The following MAGI2 variants were observed in gnomAD, a reference collection of about 807,000 sequenced individuals.
MAGI2 encodes the protein membrane-associated guanylate kinase, WW and PDZ domain-containing protein 2.
A neutral mutation model predicts 133.3 loss-of-function variants in MAGI2; 35 were observed. The ratio of observed to expected loss-of-function variants is 0.26; its 90% CI spans 0.20 to 0.35. MAGI2 has a LOEUF of 0.35. MAGI2 is among the 10% of genes least tolerant of loss of function. MAGI2 has a pLI of 1.00. For missense variants in MAGI2, 1,636 were observed against 1,863.4 expected, an observed-to-expected ratio of 0.88 and a Z score of 2.25; for synonymous variants, 729 against 710.6, an observed-to-expected ratio of 1.03 and a Z score of -0.41.
chr7:79,043,643 G>T (rs868288502), intron 1 of MAGI2, among the ~76,000 whole-genome samples: 23 of 150,388 alleles, frequency 1.5e-4, no homozygotes, highest in African/African-American at 5.1e-4. Flanking sequence ...TCGATAAACT[G>T]CTAGGTAGAC....
At chr7:78,193,983 A>T (rs1828479053) in intron 12 of MAGI2, among the ~76,000 whole-genome samples, 1 of 152,222 alleles carries the variant, frequency 6.6e-6, no homozygotes, top group African/African-American at 2.4e-5. Context: ...CTGAGATCAC[A>T]CACAATTTAA....
At chr7:78,191,963 T>G (rs1206205697) in intron 12 of MAGI2, among the ~76,000 whole-genome samples, 1 of 152,174 alleles carries the variant, frequency 6.6e-6, no homozygotes, top group African/African-American at 2.4e-5. Context: ...ACTGGTGACT[T>G]GAATCCAAAT....
At chr7:78,455,900 T>C (rs919822443) in intron 6 of MAGI2, among the ~76,000 whole-genome samples, 1 of 152,094 alleles carries the variant, frequency 6.6e-6, no homozygotes, top group Non-Finnish European at 1.5e-5. Flanking sequence ...GAATCAGTAA[T>C]ACCCTAATGT....
At chr7:78,382,081 T>C (rs972824589) in intron 6 of MAGI2, among the ~76,000 whole-genome samples, 1 of 152,176 alleles carries the variant, frequency 6.6e-6, no homozygotes, top group Non-Finnish European at 1.5e-5. Flanking sequence ...GTACATGATA[T>C]GTGCAGACAG....
chr7:79,206,125 T>C (rs1279155675), intron 1 of MAGI2, among the ~76,000 whole-genome samples: 2 of 148,850 alleles, frequency 1.3e-5, no homozygotes, highest in African/African-American at 5.0e-5. Context: ...CTCAAAACAA[T>C]AAGAAAGATC....
chr7:78,431,705 C>A (rs1441653547), intron 6 of MAGI2, among the ~76,000 whole-genome samples: 1 of 151,964 alleles, frequency 6.6e-6, no homozygotes, highest in Non-Finnish European at 1.5e-5. Context: ...TTGTTGTGAC[C>A]TGAAACATTA....
At chr7:78,347,270 A>G (rs1791019238) in intron 7 of MAGI2, 2 of 152,354 alleles carry the variant, frequency 1.3e-5, no homozygotes, top group Non-Finnish European at 1.5e-5. Flanking sequence ...CAACATCTCA[A>G]CAACCAATTT....
intron 9 of MAGI2, among the ~76,000 whole-genome samples, chr7:78,322,810 A>T (rs1024330750): frequency 6.6e-6 from 1 of 152,118 alleles, no homozygotes; most frequent in Non-Finnish European, 1.5e-5. Flanking sequence ...GTGTTGTTAA[A>T]GTTGTATATG....
chr7:78,224,745 G>A (rs903640882), intron 10 of MAGI2, among the ~76,000 whole-genome samples: 2 of 148,856 alleles, frequency 1.3e-5, no homozygotes, highest in African/African-American at 2.5e-5. Context: ...TTTGGAGGAA[G>A]TGTATCAGGT....
chr7:79,324,788 C>T (rs896905350), intron 1 of MAGI2, among the ~76,000 whole-genome samples: 8 of 144,006 alleles, frequency 5.6e-5, no homozygotes, highest in African/African-American at 2.1e-4. Flanking sequence ...AGCAGTGATC[C>T]TCATTTTTAA....
rs955763745 is a variant in MAGI2, at chr7:78,713,806, G to T, written c.419-86567C>A. On this transcript the variant is annotated intron_variant, in intron 2 of 21. Coordinates refer to ENST00000354212, the MANE Select transcript of MAGI2 (RefSeq NM_012301.4). Reference sequence around the variant, plus strand: ...CATGGAAAAATGCATGGAGAACCATGCATACAGAACGTTTTACCTCACGTA... The same window carrying T: ...CATGGAAAAATGCATGGAGAACCATTCATACAGAACGTTTTACCTCACGTA... Among the ~76,000 whole-genome samples the T allele has an allele frequency of 2.6e-5, 4 of 152,190 alleles. No individual in the cohort carries two copies. The South Asian group carries it at 8.3e-4, about 32-fold the overall frequency.
intron 21 of MAGI2, among the ~76,000 whole-genome samples, chr7:78,023,037 A>G (rs1208803275): frequency 6.6e-6 from 1 of 152,176 alleles, no homozygotes; most frequent in African/African-American, 2.4e-5. Flanking sequence ...GAATATTTTC[A>G]TTTTTCTGCA....
intron 1 of MAGI2, among the ~76,000 whole-genome samples, chr7:79,142,465 G>A (rs537015213): frequency 1.3e-5 from 2 of 152,222 alleles, no homozygotes; most frequent in South Asian, 2.1e-4. Flanking sequence ...ACAACCTTAT[G>A]GCTGCATGCC....
intron 21 of MAGI2, among the ~76,000 whole-genome samples, chr7:78,044,804 T>C (rs555071858): frequency 4.0e-5 from 6 of 151,886 alleles, no homozygotes; most frequent in Non-Finnish European, 8.8e-5. Flanking sequence ...TTGCTAAGAA[T>C]GGGAATAAAG....
chr7:79,238,785 A>G (rs981700478), intron 1 of MAGI2, among the ~76,000 whole-genome samples: 12 of 152,176 alleles, frequency 7.9e-5, no homozygotes, highest in Non-Finnish European at 1.2e-4. Context: ...TTTATGTGAT[A>G]AGAACTCATA....
chr7:79,295,614 A>G (rs755635013), intron 1 of MAGI2, among the ~76,000 whole-genome samples: 11 of 151,712 alleles, frequency 7.3e-5, no homozygotes, highest in African/African-American at 1.2e-4. Context: ...CTGTCCAGAC[A>G]CTTTCAAACA....
intron 20 of MAGI2, among the ~76,000 whole-genome samples, chr7:78,102,859 A>C (rs1225958485): frequency 6.6e-6 from 1 of 152,208 alleles, no homozygotes; most frequent in South Asian, 2.1e-4. Context: ...TGCGGGTGTG[A>C]GGTGGTACGC....
rs1434926512 is a variant in MAGI2 at position 78,063,312 on chromosome 7, G to C, written c.3706+15635C>G. 2.0e-5 allele frequency among the ~76,000 whole-genome samples: 3 copies of C among 152,022 alleles called. No homozygotes were observed. The East Asian group carries it at 5.8e-4, about 29-fold the overall frequency. On this transcript the variant is annotated intron_variant, in intron 21 of 21. Transcript: ENST00000354212. Reference sequence around the variant, plus strand: ...GCTGGAGTACAGTGGTGCAATCATCGCTCGTTGCAGCCTCAAACTACTGGG... The same window carrying C: ...GCTGGAGTACAGTGGTGCAATCATCCCTCGTTGCAGCCTCAAACTACTGGG...
chr7:79,311,232 C>A (rs1838266091), intron 1 of MAGI2, among the ~76,000 whole-genome samples: 1 of 152,128 alleles, frequency 6.6e-6, no homozygotes, highest in African/African-American at 2.4e-5. Context: ...TTAGGTCATG[C>A]CTCTAAATCA....
Sources: allele counts gnomAD v4.1 joint callset (sites outside exome capture counted in the v4.1 genomes callset), GRCh38; gene constraint gnomAD v4.1.1; transcripts MANE v1.5; gene names NCBI Gene and HGNC (gene_info 2026-07-23, HGNC 2026-07-21).